ZMAT4: variants seen among roughly 807,000 people sequenced by gnomAD.
ZMAT4 encodes the protein zinc finger matrin-type protein 4.
Under a neutral mutation model 28.7 loss-of-function variants are expected in ZMAT4, and 17 were observed. The ratio of observed to expected loss-of-function variants is 0.59; its 90% CI spans 0.41 to 0.89. The LOEUF (loss-of-function observed/expected upper bound fraction) is 0.89. ZMAT4 is among the 40% of genes least tolerant of loss of function. ZMAT4 has a pLI of 0.00. For missense variants in ZMAT4, 240 were observed against 283.8 expected (o/e 0.85, Z 1.11); for synonymous variants, 117 against 109.2 (o/e 1.07, Z -0.44).
intron 1 of ZMAT4, among the ~76,000 whole-genome samples, chr8:40,853,030 A>G (rs1817167485): frequency 6.6e-6 from 1 of 152,162 alleles, no homozygotes; most frequent in African/African-American, 2.4e-5. Context: ...CGCCTCCCAA[A>G]TATTTAAGTC....
intron 5 of ZMAT4, among the ~76,000 whole-genome samples, chr8:40,629,779 GC>G (rs1430669185): frequency 1.3e-5 from 2 of 152,052 alleles, no homozygotes; most frequent in Admixed American, 1.3e-4. Context: ...GTGTATATGT[GC>G]CACATTTTCT....
At chr8:40,539,457 C>T (rs1465390088) in intron 6 of ZMAT4, among the ~76,000 whole-genome samples, 6 of 152,152 alleles carry the variant, frequency 3.9e-5, no homozygotes, top group Admixed American at 1.3e-4. Flanking sequence ...TCCTACTATT[C>T]TTGTAATGTA....
At chr8:40,654,344 G>A (rs1364371491) in intron 5 of ZMAT4, among the ~76,000 whole-genome samples, 1 of 152,100 alleles carries the variant, frequency 6.6e-6, no homozygotes, top group African/African-American at 2.4e-5. Context: ...TGAAATGCAT[G>A]CAATGAGGCA....
chr8:40,535,615 G>A (rs932155576), intron 6 of ZMAT4, among the ~76,000 whole-genome samples: 3 of 151,156 alleles, frequency 2.0e-5, no homozygotes, highest in African/African-American at 7.3e-5. Flanking sequence ...GTTGCAGTGA[G>A]CTGAGATTTT....
At chr8:40,588,484 AAAG>A (rs1307034151) in intron 5 of ZMAT4, among the ~76,000 whole-genome samples, 1 of 152,260 alleles carries the variant, frequency 6.6e-6, no homozygotes, top group South Asian at 2.1e-4. Flanking sequence ...ATGTATCATA[AAAG>A]AAGACATAAA....
At chr8:40,537,848 A>G (rs766176902) in intron 6 of ZMAT4, among the ~76,000 whole-genome samples, 4 of 152,148 alleles carry the variant, frequency 2.6e-5, no homozygotes, top group Non-Finnish European at 5.9e-5. Flanking sequence ...ACAACATCAC[A>G]ACCTGACCTC....
At chr8:40,714,488 C>CGAATATTTTT (rs1810759886) in intron 3 of ZMAT4, among the ~76,000 whole-genome samples, 4 of 151,920 alleles carry the variant, frequency 2.6e-5, no homozygotes, top group African/African-American at 9.7e-5. Context: ...AAAAATATGC[C>CGAATATTTTT]ATGGAATATG....
At chr8:40,577,339 T>G (rs1804300797) in intron 6 of ZMAT4, among the ~76,000 whole-genome samples, 1 of 152,184 alleles carries the variant, frequency 6.6e-6, no homozygotes, top group South Asian at 2.1e-4. Flanking sequence ...ATAATACTAT[T>G]TAGCCATTAA....
At chr8:40,895,735 A>C (rs1214860105) in intron 1 of ZMAT4, among the ~76,000 whole-genome samples, 1 of 152,148 alleles carries the variant, frequency 6.6e-6, no homozygotes, top group Non-Finnish European at 1.5e-5. Context: ...ACAGATTGGC[A>C]TCAATTAAAG....
At chr8:40,797,908 C>T (rs1301498857) in intron 2 of ZMAT4, among the ~76,000 whole-genome samples, 2 of 152,182 alleles carry the variant, frequency 1.3e-5, no homozygotes, top group East Asian at 3.8e-4. Flanking sequence ...AGTCAGAACC[C>T]TCTAAGGAGT....
In ZMAT4 at chr8:40,860,321, G is replaced by A. The variant is rs143186985; in HGVS notation, c.-4-34641C>T. On this transcript the variant is annotated intron_variant, in intron 1 of 6. Transcript: ENST00000297737. ...GCAGAGGTCAGGCTGGACCCAGATA[G>A]GATCCAGTATTTATCAAGGTCATTG... 5.8e-3 allele frequency among the ~76,000 whole-genome samples: 880 copies of A among 152,258 alleles called. 7 individuals carry two copies. The highest frequency in any genetic ancestry group is 7.5e-3 in the Non-Finnish European group (507 of 68,002).
chr8:40,779,318 A>C (rs906679780), intron 2 of ZMAT4, among the ~76,000 whole-genome samples: 11 of 152,190 alleles, frequency 7.2e-5, no homozygotes, highest in African/African-American at 2.6e-4. Context: ...ACCCAGTCTC[A>C]GGAATGTCTT....
At chr8:40,722,786 C>T (rs1811156426) in intron 3 of ZMAT4, among the ~76,000 whole-genome samples, 1 of 152,126 alleles carries the variant, frequency 6.6e-6, no homozygotes, top group African/African-American at 2.4e-5. Flanking sequence ...TTTGACTCTA[C>T]CGGGAGAAGG....
rs1804343079 is a variant in ZMAT4, at chr8:40,578,528, C to T, written c.674+2637G>A. On this transcript the variant is annotated intron_variant, in intron 6 of 6. Transcript: ENST00000297737. ...CCTTAAAAATTAGACACTTCTACAA[C>T]TTACTAAAAAAAAATTGATTTTTAT... is the stretch of plus-strand genomic sequence containing the variant. 3.3e-5 allele frequency among the ~76,000 whole-genome samples: 5 copies of T among 152,138 alleles called. No individual in the cohort carries two copies. In the South Asian group the frequency reaches 1.0e-3, roughly 32 times the overall value.
chr8:40,805,594 G>GAATA (rs1190693379), intron 2 of ZMAT4, among the ~76,000 whole-genome samples: 9 of 134,790 alleles, frequency 6.7e-5, no homozygotes, highest in Non-Finnish European at 1.4e-4. Context: ...ATACACCATG[G>GAATA]AATACTATGC....
chr8:40,743,801 G>A (rs1199595028), intron 3 of ZMAT4, among the ~76,000 whole-genome samples: 1 of 152,188 alleles, frequency 6.6e-6, no homozygotes, highest in Non-Finnish European at 1.5e-5. Context: ...TGGAGCCACA[G>A]ATCATGGTGG....
chr8:40,699,260 A>C (rs1017830842), intron 3 of ZMAT4, among the ~76,000 whole-genome samples: 5 of 152,104 alleles, frequency 3.3e-5, no homozygotes, highest in Admixed American at 6.6e-5. Context: ...GGAATGAGAG[A>C]CCAAACTTGG....
chr8:40,579,718 T>C (rs1419522738), intron 6 of ZMAT4, among the ~76,000 whole-genome samples: 2 of 152,220 alleles, frequency 1.3e-5, no homozygotes, highest in African/African-American at 2.4e-5. Flanking sequence ...AGAAAACTGT[T>C]ACTCATCTTT....
intron 1 of ZMAT4, among the ~76,000 whole-genome samples, chr8:40,831,544 G>C (rs1173208627): frequency 6.6e-6 from 1 of 152,232 alleles, no homozygotes; most frequent in East Asian, 1.9e-4. Flanking sequence ...CTTGAGGAGA[G>C]AAGCTCTTGG....
Sources: gnomAD v4.1 joint callset for allele counts (sites outside exome capture counted in the v4.1 genomes callset) on GRCh38, gnomAD v4.1.1 for gene constraint, MANE v1.5 for transcripts, NCBI Gene and HGNC (gene_info 2026-07-23, HGNC 2026-07-21) for gene names.